Variants in ING5 observed in about 807,000 individuals in gnomAD.
ING5 encodes the protein inhibitor of growth protein 5.
Under a neutral mutation model 37.4 loss-of-function variants are expected in ING5, and 17 were observed. The ratio of observed to expected loss-of-function variants is 0.45; its 90% CI spans 0.31 to 0.68. The LOEUF is 0.68. Ranked by LOEUF, ING5 falls within the 30% of genes least tolerant of loss-of-function variation. The probability of loss-of-function intolerance (pLI) is 0.05; values close to 1 mark genes in which losing one functional copy is unlikely to be tolerated. For missense variants in ING5, 233 were observed against 311.9 expected, an observed-to-expected ratio of 0.75 and a Z score of 1.91; for synonymous variants, 123 against 116.6, an observed-to-expected ratio of 1.06 and a Z score of -0.36.
At chr2:241,687,453 T>C (rs935080463) in exon 1 of ING5, 15 of 398,444 alleles carry the variant, frequency 3.8e-5, no homozygotes, top group Non-Finnish European at 6.6e-5. Context: ...AGGAGAACCA[T>C]GGGATCGATA....
intron 7 of ING5, 170 bp from the exon 8 acceptor site, chr2:241,724,819 C>T (rs1691544371): frequency 4.8e-6 from 3 of 629,730 alleles, no homozygotes; most frequent in South Asian, 3.8e-5. Context: ...GCCGCACGTG[C>T]ATCGGCGCAT....
chr2:241,704,055 G>C (rs144558761), intron 1 of ING5, among the ~76,000 whole-genome samples: 8 of 152,262 alleles, frequency 5.3e-5, no homozygotes, highest in South Asian at 2.1e-4. Context: ...GCTCACTGAG[G>C]GGGGGCAGCC....
chr2:241,700,827 C>A (rs893246283), upstream of ING5, among the ~76,000 whole-genome samples: 3 of 151,706 alleles, frequency 2.0e-5, no homozygotes, highest in Non-Finnish European at 4.4e-5. Flanking sequence ...GATTTCGCCA[C>A]GTTGGCCAGG....
intron 2 of ING5, among the ~76,000 whole-genome samples, chr2:241,695,380 C>T (rs1575115396): frequency 1.3e-5 from 2 of 150,546 alleles, no homozygotes; most frequent in South Asian, 2.1e-4. Context: ...ATTCCTGGCA[C>T]GCTGTCACAT....
intron 2 of ING5, among the ~76,000 whole-genome samples, chr2:241,705,357 C>T (rs945541081): frequency 6.0e-5 from 9 of 151,008 alleles, no homozygotes; most frequent in African/African-American, 2.2e-4. Flanking sequence ...GGATTACAAG[C>T]GTGAGCCACC....
chr2:241,702,141 C>T (rs1297181501), intron 1 of ING5, 39 bp downstream of exon 1: 44 of 1,237,762 alleles, frequency 3.6e-5, no homozygotes, highest in Non-Finnish European at 4.3e-5. Context: ...GCCGCCCACG[C>T]GGAGTCCTCC....
intron 2 of ING5, among the ~76,000 whole-genome samples, chr2:241,705,667 A>G (rs957950864): frequency 3.3e-5 from 5 of 152,050 alleles, no homozygotes; most frequent in Admixed American, 2.6e-4. Flanking sequence ...AGGCCTCCCA[A>G]AGTGCTGGGA....
chr2:241,720,206 G>A (rs1227719476), intron 5 of ING5: 3 of 1,232,860 alleles, frequency 2.4e-6, no homozygotes, highest in East Asian at 6.3e-5. Flanking sequence ...TCCTGGGTGT[G>A]TGCAGGAGCC....
At chr2:241,705,228 C>A (rs923361567) in intron 2 of ING5, among the ~76,000 whole-genome samples, 1 of 151,802 alleles carries the variant, frequency 6.6e-6, no homozygotes, top group Non-Finnish European at 1.5e-5. Context: ...GTGCCCGCCA[C>A]CACGCCTGGC....
At chr2:241,723,866 T>C in intron 7 of ING5, 1 of 1,497,548 alleles carries the variant, frequency 6.7e-7, no homozygotes, top group Non-Finnish European at 9.2e-7. Flanking sequence ...AAAAATTAGC[T>C]GGGCGTGGTG....
At chr2:241,707,481 G>A (rs549999003) in intron 2 of ING5, among the ~76,000 whole-genome samples, 1 of 151,582 alleles carries the variant, frequency 6.6e-6, no homozygotes, top group East Asian at 2.0e-4. Flanking sequence ...AAGTAGAGAC[G>A]GGGTTTCTCC....
chr2:241,726,438 G>A lies in ING5; in HGVS notation c.*1407G>A, dbSNP rs1008426165. The A allele has an allele frequency of 2.0e-5, 3 of 152,246 alleles. No individual in the cohort carries two copies. Among genetic ancestry groups the A allele is most frequent in the Non-Finnish European group, 4.4e-5 (3 of 68,050 alleles). 9.4% of individuals were successfully genotyped at this position (152,246 alleles called of 1,614,324 possible). Reference sequence around the variant, plus strand: ...TCTGTGTCTCAGACGGGGCCCTCCCGTCGAGAAGCTGGTAGTCAGTGAGTG... The same window carrying A: ...TCTGTGTCTCAGACGGGGCCCTCCCATCGAGAAGCTGGTAGTCAGTGAGTG... On this transcript the variant is annotated 3_prime_UTR_variant, in exon 8 of 8. Transcript: ENST00000313552.
intron 2 of ING5, among the ~76,000 whole-genome samples, chr2:241,693,548 G>A (rs1434696072): frequency 6.6e-6 from 1 of 151,794 alleles, no homozygotes. Context: ...AAGGCCCTTT[G>A]TGGACAGACA....
chr2:241,711,423 A>G lies in ING5; in HGVS notation c.323A>G (p.Glu108Gly). The G allele has an allele frequency of 6.3e-7, 1 of 1,596,504 alleles. No homozygotes were observed. Among genetic ancestry groups the G allele is most frequent in the Non-Finnish European group, 8.5e-7 (1 of 1,172,684 alleles). ...RRLDADLARF[E>G]ADLKDKMEGS... ...CTTGATGCAGACCTGGCGCGCTTTG[A>G]AGCAGATCTGAAGGACAAGATGGAG... The change falls in exon 4 of 8, where the codon GAA becomes GGA. Residue 108 changes from glutamate to glycine, a missense_variant. Physicochemically the swap from Glu to Gly is moderately conservative, Grantham distance 98 (BLOSUM62 -2). Coordinates refer to ENST00000313552, the MANE Select transcript of ING5 (RefSeq NM_032329.6).
intron 1 of ING5, among the ~76,000 whole-genome samples, chr2:241,703,423 G>A (rs1201395452): frequency 1.3e-5 from 2 of 152,102 alleles, no homozygotes; most frequent in Non-Finnish European, 2.9e-5. Flanking sequence ...GGTCTAGGGG[G>A]TAACAAAGCA....
chr2:241,705,724 AAAC>A (rs1371755645), intron 2 of ING5, among the ~76,000 whole-genome samples: 1 of 152,160 alleles, frequency 6.6e-6, no homozygotes, highest in Non-Finnish European at 1.5e-5. Context: ...CCCTGTTTCT[AAAC>A]AACATGTTTT....
chr2:241,701,372 G>A (rs577297545), upstream of ING5, among the ~76,000 whole-genome samples: 2 of 152,220 alleles, frequency 1.3e-5, no homozygotes, highest in Non-Finnish European at 2.9e-5. Flanking sequence ...GATGGTGCGG[G>A]TCCTGCCTGC....
At chr2:241,690,594 C>T in exon 2 of ING5, 1 of 398,646 alleles carries the variant, frequency 2.5e-6, no homozygotes, top group East Asian at 3.6e-5. Context: ...ATTTCCAGCA[C>T]TGTCTGTCCA....
At chr2:241,689,586 A>AC (rs1355832196) in intron 1 of ING5, among the ~76,000 whole-genome samples, 1 of 151,742 alleles carries the variant, frequency 6.6e-6, no homozygotes. Flanking sequence ...CTGGTTTTTC[A>AC]CCCCAGATCC....
Sources: allele counts gnomAD v4.1 joint callset (sites outside exome capture counted in the v4.1 genomes callset), GRCh38; gene constraint gnomAD v4.1.1; transcripts MANE v1.5; gene names NCBI Gene and HGNC (gene_info 2026-07-23, HGNC 2026-07-21).